PDK1: variants seen among roughly 807,000 people sequenced by gnomAD.
The protein encoded by PDK1 is pyruvate dehydrogenase kinase 1.
Under a neutral mutation model 54.2 loss-of-function variants are expected in PDK1, and 39 were observed. The ratio of observed to expected loss-of-function variants is 0.72; its 90% CI spans 0.56 to 0.94. The LOEUF (loss-of-function observed/expected upper bound fraction) is 0.94, where lower values mean the gene tolerates loss of function less well. Ranked by LOEUF, PDK1 falls within the 40% of genes least tolerant of loss-of-function variation. The probability of loss-of-function intolerance (pLI) is 0.00; values close to 1 mark genes in which losing one functional copy is unlikely to be tolerated. For missense variants in PDK1, 552 were observed against 566.0 expected (o/e 0.98, Z 0.25); for synonymous variants, 221 against 207.1 (o/e 1.07, Z -0.58).
chr2:172,663,968 C>CTT, the PDK1 span, among the ~76,000 whole-genome samples: 53,827 of 145,524 alleles, frequency 0.37, 10,587 homozygotes, highest in East Asian at 0.74. Context: ...CCATATGTGG[C>CTT]TTTTTTTTTT....
chr2:172,683,559 T>A, the PDK1 span, among the ~76,000 whole-genome samples: 1 of 152,128 alleles, frequency 6.6e-6, no homozygotes, highest in Non-Finnish European at 1.5e-5. Context: ...TGTTAATTCA[T>A]CTCCAAGTGA....
chr2:172,648,406 C>T, the PDK1 span, among the ~76,000 whole-genome samples: 1 of 152,186 alleles, frequency 6.6e-6, no homozygotes, highest in Non-Finnish European at 1.5e-5. Context: ...ATAGGAACAG[C>T]TCCAGTCTGC....
chr2:172,610,343 G>C (rs1054804747), downstream of PDK1, among the ~76,000 whole-genome samples: 4 of 152,004 alleles, frequency 2.6e-5, no homozygotes, highest in African/African-American at 9.7e-5. Flanking sequence ...GGCACTGCCT[G>C]CCCCTACGAT....
At chr2:172,570,935 G>GA in intron 8 of PDK1, 111 bp downstream of exon 8, 1 of 622,880 alleles carries the variant, frequency 1.6e-6, no homozygotes, top group South Asian at 2.1e-5. Flanking sequence ...ACTCTCAGGG[G>GA]AAAAGAATCT....
chr2:172,586,743 G>A (rs1371660245), intron 9 of PDK1, among the ~76,000 whole-genome samples: 1 of 152,096 alleles, frequency 6.6e-6, no homozygotes, highest in African/African-American at 2.4e-5. Flanking sequence ...TTACTTTTTA[G>A]TGTTGACTTT....
chr2:172,701,648 GTTTTT>G, the PDK1 span, among the ~76,000 whole-genome samples: 187 of 124,862 alleles, frequency 1.5e-3, 2 homozygotes, highest in African/African-American at 4.8e-3. Context: ...TTTTTGTTTT[GTTTTT>G]TTTTTTTTTT....
chr2:172,714,660 C>A, the PDK1 span, among the ~76,000 whole-genome samples: 42 of 152,108 alleles, frequency 2.8e-4, no homozygotes, highest in Non-Finnish European at 4.6e-4. Context: ...AGAACTATAT[C>A]TCTTAATGAG....
At chr2:172,571,120 G>A (rs1214656613) in intron 8 of PDK1, among the ~76,000 whole-genome samples, 1 of 152,052 alleles carries the variant, frequency 6.6e-6, no homozygotes, top group Non-Finnish European at 1.5e-5. Context: ...TATTTGGGTA[G>A]TTGCAGTATT....
chr2:172,676,509 A>C, the PDK1 span, among the ~76,000 whole-genome samples: 1 of 152,206 alleles, frequency 6.6e-6, no homozygotes, highest in Non-Finnish European at 1.5e-5. Flanking sequence ...TGTGATAGAA[A>C]TAGAAAGGGA....
intron 1 of PDK1, among the ~76,000 whole-genome samples, chr2:172,557,111 T>C (rs563208723): frequency 5.3e-5 from 8 of 152,344 alleles, no homozygotes; most frequent in African/African-American, 1.9e-4. Context: ...GACTTCTGCA[T>C]TGAACGATAC....
At chr2:172,620,598 T>G in the PDK1 span, among the ~76,000 whole-genome samples, 8 of 152,146 alleles carry the variant, frequency 5.3e-5, no homozygotes, top group Non-Finnish European at 8.8e-5. Context: ...ATCCGCAGTA[T>G]TGGAAGTGGG....
At chr2:172,589,637 G>C (rs761247563) in intron 9 of PDK1, among the ~76,000 whole-genome samples, 1 of 152,160 alleles carries the variant, frequency 6.6e-6, no homozygotes, top group Non-Finnish European at 1.5e-5. Flanking sequence ...TGATTTGTAC[G>C]GGCAAACAGA....
chr2:172,562,513 A>G (rs1688710188), intron 3 of PDK1, among the ~76,000 whole-genome samples: 1 of 152,218 alleles, frequency 6.6e-6, no homozygotes, highest in Admixed American at 6.5e-5. Flanking sequence ...GATCAGTGGA[A>G]ATGTAGGTGT....
chr2:172,690,550 A>G, the PDK1 span, among the ~76,000 whole-genome samples: 2 of 150,098 alleles, frequency 1.3e-5, no homozygotes, highest in Non-Finnish European at 3.0e-5. Flanking sequence ...ACACATGCAC[A>G]TGTTTGTTTA....
At chr2:172,657,922 A>C in the PDK1 span, among the ~76,000 whole-genome samples, 1 of 152,074 alleles carries the variant, frequency 6.6e-6, no homozygotes. Flanking sequence ...TTCTGGTGAG[A>C]CCCTCAGGCT....
chr2:172,588,446 TTAAG>T (rs1433862568), intron 9 of PDK1, among the ~76,000 whole-genome samples: 1 of 152,200 alleles, frequency 6.6e-6, no homozygotes, highest in Non-Finnish European at 1.5e-5. Context: ...ATTGTGAGAA[TTAAG>T]TGAGTTGATA....
At chr2:172,647,233 T>C in the PDK1 span, among the ~76,000 whole-genome samples, 1 of 152,136 alleles carries the variant, frequency 6.6e-6, no homozygotes, top group Admixed American at 6.5e-5. Context: ...TAAGCCCACA[T>C]CAGACTTGCT....
intron 10 of PDK1, among the ~76,000 whole-genome samples, chr2:172,593,503 T>C (rs1434066529): frequency 1.3e-5 from 2 of 152,222 alleles, no homozygotes; most frequent in African/African-American, 4.8e-5. Flanking sequence ...TTTTGGACTT[T>C]TATGCAGTCC....
intron 3 of PDK1, among the ~76,000 whole-genome samples, chr2:172,562,520 G>A (rs1321484959): frequency 6.6e-6 from 1 of 152,228 alleles, no homozygotes; most frequent in African/African-American, 2.4e-5. Flanking sequence ...GGAAATGTAG[G>A]TGTGGCCTCA....
Sources: gnomAD v4.1 joint callset for allele counts (sites outside exome capture counted in the v4.1 genomes callset) on GRCh38, gnomAD v4.1.1 for gene constraint, MANE v1.5 for transcripts, NCBI Gene and HGNC (gene_info 2026-07-23, HGNC 2026-07-21) for gene names.